ANK3: variants seen among roughly 807,000 people sequenced by gnomAD.
ANK3 encodes ankyrin 3.
ANK3 carries 57 observed loss-of-function variants against 370.9 expected under a neutral mutation model. That is an observed-to-expected ratio of 0.15 (90% confidence interval 0.12 to 0.19). ANK3 has a LOEUF of 0.19. Among genes scored for constraint, ANK3 ranks in the 10% least tolerant of loss-of-function variants. ANK3 has a pLI of 1.00. For missense variants in ANK3, 4,439 were observed against 5,302.1 expected (o/e 0.84, Z 5.06); for synonymous variants, 1,929 against 1,946.3 (o/e 0.99, Z 0.23).
chr10:60,670,185 A>G (rs894620281), intron 1 of ANK3, among the ~76,000 whole-genome samples: 2 of 151,972 alleles, frequency 1.3e-5, no homozygotes, highest in Non-Finnish European at 2.9e-5. Context: ...CCTCCCCCCA[A>G]ACAACTGAAA....
In ANK3 at chr10:60,279,289, T is replaced by C. The variant is rs751770679; in HGVS notation, c.217-141A>G. The C allele has an allele frequency of 1.4e-3, 1,040 of 769,416 alleles. 1 individual carries two copies. The highest frequency in any genetic ancestry group is 1.9e-3 in the Non-Finnish European group (883 of 469,570). 47.7% of individuals were successfully genotyped at this position (769,416 alleles called of 1,614,324 possible). On this transcript the variant is annotated intron_variant, in intron 2 of 43. Coordinates refer to ENST00000280772, the MANE Select transcript of ANK3 (RefSeq NM_020987.5). ...GCTGTGCAGGAACTTGAATCTTGAA[T>C]TAGGAATCAAAGTACTTCAAAACTG... is the stretch of plus-strand genomic sequence containing the variant.
rs191311975 is a variant in ANK3, at chr10:60,256,286, C to G, written c.798+5573G>C. 2.1e-3 allele frequency among the ~76,000 whole-genome samples: 313 copies of G among 152,278 alleles called. 1 individual carries two copies. The highest frequency in any genetic ancestry group is 7.2e-3 in the African/African-American group (298 of 41,556). On this transcript the variant is annotated intron_variant, in intron 7 of 43. Transcript: ENST00000280772. ...GTACTAAGTATTCACACATTAGTAA[C>G]AAGTACTAATGGTAGAGTAGGTAAC...
intron 1 of ANK3, among the ~76,000 whole-genome samples, chr10:60,296,108 G>T (rs145631383): frequency 6.6e-6 from 1 of 152,096 alleles, no homozygotes; most frequent in Non-Finnish European, 1.5e-5. Context: ...TACTATTTTT[G>T]CAAAGTACAG....
chr10:60,042,409 A>G (rs1215522094), intron 43 of ANK3, among the ~76,000 whole-genome samples: 1 of 152,188 alleles, frequency 6.6e-6, no homozygotes, highest in Non-Finnish European at 1.5e-5. Context: ...CACTATTTAT[A>G]CTTGCTTCTG....
intron 2 of ANK3, among the ~76,000 whole-genome samples, chr10:60,444,030 T>A (rs2133017287): frequency 6.6e-6 from 1 of 152,248 alleles, no homozygotes; most frequent in Non-Finnish European, 1.5e-5. Flanking sequence ...CAGATTTTTT[T>A]AGGATGAAAA....
intron 2 of ANK3, among the ~76,000 whole-genome samples, chr10:60,433,363 T>C (rs572723632): frequency 6.6e-6 from 1 of 152,088 alleles, no homozygotes; most frequent in Non-Finnish European, 1.5e-5. Flanking sequence ...CTGAGAAACA[T>C]TTTATTCATG....
chr10:60,092,191 T>C (rs1369232087), intron 28 of ANK3, among the ~76,000 whole-genome samples: 1 of 152,104 alleles, frequency 6.6e-6, no homozygotes, highest in Non-Finnish European at 1.5e-5. Flanking sequence ...TTGTTTTACC[T>C]ATTAACAAAA....
chr10:60,381,638 A>G (rs1481549935), intron 1 of ANK3, among the ~76,000 whole-genome samples: 2 of 152,166 alleles, frequency 1.3e-5, no homozygotes, highest in Non-Finnish European at 2.9e-5. Context: ...CTTGACTACA[A>G]TCCCTCAATG....
At chr10:60,255,713 T>C (rs915379388) in intron 7 of ANK3, among the ~76,000 whole-genome samples, 3 of 152,114 alleles carry the variant, frequency 2.0e-5, no homozygotes, top group Admixed American at 6.6e-5. Flanking sequence ...TAACTTTCTA[T>C]GATGATGGAC....
At chr10:60,271,278 C>T (rs2097978088) in intron 4 of ANK3, among the ~76,000 whole-genome samples, 1 of 152,046 alleles carries the variant, frequency 6.6e-6, no homozygotes, top group South Asian at 2.1e-4. Context: ...CGTCACAGCT[C>T]ACTGCAGCCT....
intron 1 of ANK3, among the ~76,000 whole-genome samples, chr10:60,352,694 C>A (rs41494951): frequency 6.6e-6 from 1 of 152,072 alleles, no homozygotes; most frequent in African/African-American, 2.4e-5. Context: ...CCTCTCCTTA[C>A]TTTCATTCCC....
At chr10:60,486,386 C>T (rs941613963) in intron 2 of ANK3, among the ~76,000 whole-genome samples, 3 of 152,196 alleles carry the variant, frequency 2.0e-5, no homozygotes, top group Admixed American at 6.5e-5. Context: ...CAAGACCAGC[C>T]TGGCCAACAT....
chr10:60,661,770 A>C (rs368277904), intron 1 of ANK3, among the ~76,000 whole-genome samples: 4 of 152,320 alleles, frequency 2.6e-5, no homozygotes, highest in African/African-American at 9.6e-5. Flanking sequence ...TGAAAATGGC[A>C]ACAAGAATGA....
chr10:60,071,816 A>C lies in ANK3; in HGVS notation c.9065T>G (p.Ile3022Ser). ...IEDEKVTYSE[I>S]SKVSKHQSYV... ...ACTCTGGTGTTTGGAAACTTTGCTG[A>C]TTTCTGAATAGGTAACTTTTTCATC... is the stretch of plus-strand genomic sequence containing the variant. Residue 3022 changes from isoleucine (I) to serine (S), a missense_variant, in exon 37 of 44, where the codon ATC becomes AGC. Physicochemically the swap from Ile to Ser is moderately radical, Grantham distance 142 (BLOSUM62 -2). This residue lies in a region of ANK3 where 1,601 missense variants were observed against 1,731.7 expected (regional missense o/e 0.92). Coordinates refer to ENST00000280772, the MANE Select transcript of ANK3 (RefSeq NM_020987.5). 1.9e-6 allele frequency: 3 copies of C among 1,610,700 alleles called. No homozygotes were observed. Among genetic ancestry groups the C allele is most frequent in the Non-Finnish European group, 2.5e-6 (3 of 1,178,194 alleles).
rs139096003 is a variant in ANK3, at chr10:60,688,138, C to T, written c.57+45125G>A. On this transcript the variant is annotated intron_variant, in intron 1 of 43. Transcript: ENST00000373827. ...AGGCTTGAGTGCAGTGGCGTGGTCTCGGCTCACTGCAACCTCTGCCTGCCA... is the reference window on the plus strand; with the variant it reads ...AGGCTTGAGTGCAGTGGCGTGGTCTTGGCTCACTGCAACCTCTGCCTGCCA... Among the ~76,000 whole-genome samples, 421 of 151,980 alleles carry T rather than the reference C, an allele frequency of 2.8e-3. 1 individual carries two copies. The highest frequency in any genetic ancestry group is 9.9e-3 in the African/African-American group (410 of 41,452).
intron 2 of ANK3, among the ~76,000 whole-genome samples, chr10:60,400,031 TGTGTGTGTG>T (rs2063323832): frequency 6.7e-6 from 1 of 150,118 alleles, no homozygotes; most frequent in East Asian, 1.9e-4. Context: ...TGTGTGTGTG[TGTGTGTGTG>T]TGTGTGTGTG....
intron 9 of ANK3, among the ~76,000 whole-genome samples, chr10:60,211,175 A>G (rs1347497269): frequency 1.3e-5 from 2 of 152,190 alleles, no homozygotes; most frequent in Admixed American, 6.5e-5. Context: ...AAGACTGTGT[A>G]TGGAGCCGTC....
intron 1 of ANK3, among the ~76,000 whole-genome samples, chr10:60,283,162 T>C (rs952969792): frequency 2.6e-5 from 4 of 152,174 alleles, no homozygotes; most frequent in African/African-American, 9.7e-5. Flanking sequence ...AGGGCAAATA[T>C]TGGATTCTTA....
At chr10:60,506,108 A>G (rs563256682) in intron 2 of ANK3, among the ~76,000 whole-genome samples, 1 of 152,148 alleles carries the variant, frequency 6.6e-6, no homozygotes, top group Non-Finnish European at 1.5e-5. Flanking sequence ...ATTTTTTAAA[A>G]TATAAAAAAT....
Sources: gnomAD v4.1 joint callset for allele counts (sites outside exome capture counted in the v4.1 genomes callset) on GRCh38, gnomAD v4.1.1 for gene constraint, gnomAD v4.1.1 regional missense constraint, MANE v1.5 for transcripts, NCBI Gene and HGNC (gene_info 2026-07-23, HGNC 2026-07-21) for gene names.